CNTNAP2: variants seen among roughly 807,000 people sequenced by gnomAD.
The protein encoded by CNTNAP2 is contactin-associated protein-like 2.
A neutral mutation model predicts 155.2 loss-of-function variants in CNTNAP2; 98 were observed. That is an observed-to-expected ratio of 0.63 (90% confidence interval 0.54 to 0.75). The LOEUF (loss-of-function observed/expected upper bound fraction) is 0.75. Ranked by LOEUF, CNTNAP2 falls within the 30% of genes least tolerant of loss-of-function variation. CNTNAP2 has a pLI of 0.00. For synonymous variants in CNTNAP2, 651 were observed against 631.2 expected (o/e 1.03, Z -0.47); for missense variants, 1,727 against 1,688.1 (o/e 1.02, Z -0.40).
chr7:147,217,975 T>C (rs1274970560), intron 8 of CNTNAP2, among the ~76,000 whole-genome samples: 1 of 151,980 alleles, frequency 6.6e-6, no homozygotes, highest in Admixed American at 6.6e-5. Flanking sequence ...GTCCATGAGA[T>C]CTATAGTAAT....
At chr7:148,009,313 T>C (rs920356581) in intron 15 of CNTNAP2, among the ~76,000 whole-genome samples, 2 of 152,126 alleles carry the variant, frequency 1.3e-5, no homozygotes, top group African/African-American at 4.8e-5. Context: ...AAAAACAAAA[T>C]GGTTGTACAG....
At chr7:146,751,422 A>AACACACAT (rs1319917063) in intron 1 of CNTNAP2, among the ~76,000 whole-genome samples, 2 of 152,134 alleles carry the variant, frequency 1.3e-5, no homozygotes, top group East Asian at 3.9e-4. Flanking sequence ...GTGGGAACTA[A>AACACACAT]ACACACATAC....
intron 8 of CNTNAP2, among the ~76,000 whole-genome samples, chr7:147,150,352 T>G (rs1343427168): frequency 6.6e-6 from 1 of 151,710 alleles, no homozygotes; most frequent in Non-Finnish European, 1.5e-5. Context: ...ACTCAAAGAG[T>G]ACTGAAAGGA....
At chr7:148,282,218 A>G (rs905520400) in intron 21 of CNTNAP2, among the ~76,000 whole-genome samples, 10 of 152,364 alleles carry the variant, frequency 6.6e-5, no homozygotes, top group Admixed American at 1.3e-4. Flanking sequence ...AATAATTAAT[A>G]CATCATAACC....
At chr7:146,622,279 C>CTATCTATCTATA (rs1216256197) in intron 1 of CNTNAP2, among the ~76,000 whole-genome samples, 66 of 100,580 alleles carry the variant, frequency 6.6e-4, no homozygotes, top group Admixed American at 3.1e-3. Flanking sequence ...ATCTATCTAT[C>CTATCTATCTATA]TATATATATA....
chr7:147,407,048 C>T (rs1299782812), intron 10 of CNTNAP2, among the ~76,000 whole-genome samples: 3 of 152,198 alleles, frequency 2.0e-5, no homozygotes, highest in African/African-American at 7.2e-5. Context: ...CATGAACACA[C>T]TTCAGTGAAG....
At chr7:147,666,528 A>G (rs1197646879) in intron 13 of CNTNAP2, among the ~76,000 whole-genome samples, 9 of 152,174 alleles carry the variant, frequency 5.9e-5, no homozygotes, top group Admixed American at 4.6e-4. Flanking sequence ...TGTATTTACT[A>G]TGCTATACTT....
At chr7:147,214,953 G>A (rs1803233589) in intron 8 of CNTNAP2, among the ~76,000 whole-genome samples, 1 of 152,084 alleles carries the variant, frequency 6.6e-6, no homozygotes, top group East Asian at 1.9e-4. Flanking sequence ...GGCAGCAGGA[G>A]ACAGAGAGAG....
At chr7:146,711,245 ATT>A (rs899052338) in intron 1 of CNTNAP2, among the ~76,000 whole-genome samples, 59 of 147,158 alleles carry the variant, frequency 4.0e-4, no homozygotes, top group African/African-American at 1.4e-3. Flanking sequence ...ATACATATAT[ATT>A]TTATATATAC....
At chr7:147,438,374 C>T (rs190845585) in intron 10 of CNTNAP2, among the ~76,000 whole-genome samples, 59 of 152,002 alleles carry the variant, frequency 3.9e-4, no homozygotes, top group Non-Finnish European at 6.3e-4. Flanking sequence ...AATGATTATA[C>T]GGTTTTGGCC....
chr7:148,364,812 C>T (rs1177370321), intron 21 of CNTNAP2, among the ~76,000 whole-genome samples: 7 of 152,182 alleles, frequency 4.6e-5, no homozygotes, highest in Admixed American at 3.3e-4. Flanking sequence ...GCAACCCGCT[C>T]GGGTCCTCTT....
intron 1 of CNTNAP2, among the ~76,000 whole-genome samples, chr7:146,694,952 T>C (rs1337435214): frequency 6.6e-6 from 1 of 152,322 alleles, no homozygotes; most frequent in Middle Eastern, 3.4e-3. Context: ...CCTACAACAT[T>C]ACTATAATTA....
rs1223165846 is a variant in CNTNAP2, at chr7:146,160,679, A to G, written c.97+43706A>G. 5.3e-5 allele frequency among the ~76,000 whole-genome samples: 8 copies of G among 152,324 alleles called. No individual in the cohort carries two copies. The South Asian group carries it at 1.5e-3, about 28-fold the overall frequency. On this transcript the variant is annotated intron_variant, in intron 1 of 23. Transcript: ENST00000361727. ...AGAAGTTGAATCCCTGAATAGACCA[A>G]TAACAGGTTCTGAAATTCAGGCAAT...
At chr7:148,317,009 C>T (rs1797702079) in intron 21 of CNTNAP2, among the ~76,000 whole-genome samples, 1 of 152,190 alleles carries the variant, frequency 6.6e-6, no homozygotes, top group Non-Finnish European at 1.5e-5. Flanking sequence ...AATGTATTTG[C>T]ATAATGATAG....
chr7:147,915,760 T>A (rs2538960), intron 14 of CNTNAP2, among the ~76,000 whole-genome samples: 1 of 131,004 alleles, frequency 7.6e-6, no homozygotes, highest in Non-Finnish European at 1.7e-5. Flanking sequence ...CGGGCGGGGG[T>A]GAAGAAGAAG....
intron 3 of CNTNAP2, among the ~76,000 whole-genome samples, chr7:146,840,170 A>G (rs1803693416): frequency 1.3e-5 from 2 of 152,222 alleles, no homozygotes; most frequent in African/African-American, 2.4e-5. Flanking sequence ...ACCCGGATCA[A>G]TAAGACCAGA....
At position 147,692,518 on chromosome 7, in the gene CNTNAP2, C is replaced by T. The variant is rs1285278682; in HGVS notation, c.2098+53212C>T. On this transcript the variant is annotated intron_variant, in intron 13 of 23. Transcript: ENST00000361727. The stretch of plus-strand genomic sequence containing the variant: ...TTGCTTCACATTCTTGGCAGCATTT[C>T]GTGTTGTCAGTGTTGCAGATTTTGG... Among the ~76,000 whole-genome samples, 6 of 152,020 alleles carry T rather than the reference C, an allele frequency of 3.9e-5. No individual in the cohort carries two copies. In the East Asian group the frequency reaches 5.8e-4, roughly 15 times the overall value.
At chr7:147,376,188 G>C (rs2116922928) in intron 9 of CNTNAP2, among the ~76,000 whole-genome samples, 1 of 152,120 alleles carries the variant, frequency 6.6e-6, no homozygotes, top group South Asian at 2.1e-4. Flanking sequence ...TGGAAGCTTA[G>C]TATTTATCAC....
chr7:147,857,615 A>C (rs566254794), intron 13 of CNTNAP2, among the ~76,000 whole-genome samples: 4 of 152,332 alleles, frequency 2.6e-5, no homozygotes, highest in African/African-American at 9.6e-5. Flanking sequence ...TTGGCGTCAG[A>C]GGAAGTCCTG....
Sources: gnomAD v4.1 joint callset for allele counts (sites outside exome capture counted in the v4.1 genomes callset) on GRCh38, gnomAD v4.1.1 for gene constraint, MANE v1.5 for transcripts, NCBI Gene and HGNC (gene_info 2026-07-23, HGNC 2026-07-21) for gene names.